The following BNC2 variants were observed in gnomAD, a reference collection of about 807,000 sequenced individuals.
BNC2 encodes the protein basonuclin zinc finger protein 2, also known as zinc finger protein basonuclin-2.
A neutral mutation model predicts 76.3 loss-of-function variants in BNC2; 20 were observed. That is an observed-to-expected ratio of 0.26 (90% confidence interval 0.18 to 0.38). The LOEUF (loss-of-function observed/expected upper bound fraction) is 0.38, where lower values mean the gene tolerates loss of function less well. BNC2 is among the 10% of genes least tolerant of loss of function. The pLI, the probability that BNC2 is intolerant of heterozygous loss-of-function variation, is 1.00. For synonymous variants in BNC2, 582 were observed against 514.8 expected (o/e 1.13, Z -1.77); for missense variants, 1,382 against 1,399.8 (o/e 0.99, Z 0.20).
intron 1 of BNC2, among the ~76,000 whole-genome samples, chr9:16,744,680 A>G (rs1824948907): frequency 6.6e-6 from 1 of 152,194 alleles, no homozygotes; most frequent in Admixed American, 6.5e-5. Flanking sequence ...GAGAAGAAAG[A>G]GAACTTTTGC....
intron 3 of BNC2, among the ~76,000 whole-genome samples, chr9:16,681,124 C>T (rs1220419484): frequency 6.6e-6 from 1 of 152,282 alleles, no homozygotes; most frequent in East Asian, 1.9e-4. Context: ...CAAAGGGAAG[C>T]TGAGATGGTG....
At chr9:16,679,563 A>AC (rs1395415794) in intron 3 of BNC2, among the ~76,000 whole-genome samples, 1 of 152,088 alleles carries the variant, frequency 6.6e-6, no homozygotes, top group Non-Finnish European at 1.5e-5. Flanking sequence ...AATTAATGAC[A>AC]CCCCCTCAGC....
intron 4 of BNC2, among the ~76,000 whole-genome samples, chr9:16,577,458 ATTAACT>A (rs1819517785): frequency 1.3e-5 from 2 of 152,186 alleles, no homozygotes; most frequent in Admixed American, 1.3e-4. Context: ...ATGATACTAA[ATTAACT>A]TTATACTTCT....
chr9:16,733,728 C>G (rs1409560554), intron 2 of BNC2, among the ~76,000 whole-genome samples: 1 of 152,062 alleles, frequency 6.6e-6, no homozygotes, highest in African/African-American at 2.4e-5. Context: ...TTAAGATTCA[C>G]CTATCATTAG....
At chr9:16,788,515 T>G (rs553613423) in intron 1 of BNC2, among the ~76,000 whole-genome samples, 181 of 143,672 alleles carry the variant, frequency 1.3e-3, no homozygotes, top group African/African-American at 4.4e-3. Flanking sequence ...ATGACGCCAC[T>G]GCACTCCACC....
intron 1 of BNC2, among the ~76,000 whole-genome samples, chr9:16,835,885 C>T (rs1316049056): frequency 6.6e-6 from 1 of 152,112 alleles, no homozygotes; most frequent in Admixed American, 6.6e-5. Context: ...CCCAGACTTA[C>T]CAGTTTGAGA....
intron 3 of BNC2, among the ~76,000 whole-genome samples, chr9:16,689,019 G>A (rs889887932): frequency 1.3e-5 from 2 of 152,102 alleles, no homozygotes; most frequent in South Asian, 4.1e-4. Flanking sequence ...TTCAACAAGG[G>A]AGGGCCAGTG....
At chr9:16,612,154 C>A (rs1820567129) in intron 3 of BNC2, among the ~76,000 whole-genome samples, 1 of 151,934 alleles carries the variant, frequency 6.6e-6, no homozygotes, top group Non-Finnish European at 1.5e-5. Flanking sequence ...ATGTGGACGT[C>A]TTTCTTTCTC....
chr9:16,741,957 CAAAAAAAAAAA>C lies in BNC2; in HGVS notation c.4-3483_4-3473del, dbSNP rs35573018. 6.2e-4 allele frequency among the ~76,000 whole-genome samples: 49 copies of C among 79,404 alleles called. No individual in the cohort carries two copies. The South Asian group carries it at 0.025, about 40-fold the overall frequency. 52.1% of individuals were successfully genotyped at this position (79,404 alleles called of 152,430 possible). A position where few individuals can be genotyped will look rare whatever the true frequency, so the allele number is the denominator to read the frequency against. On this transcript the variant is annotated intron_variant, in intron 1 of 6. Transcript: ENST00000380672. ...TGGGTGACAAAGTGAGGCTCCATCT[CAAAAAAAAAAA>C]AAAAAAAAAAAGACAACAACACGTA...
At chr9:16,757,934 T>C (rs1047469585) in intron 1 of BNC2, among the ~76,000 whole-genome samples, 1 of 152,226 alleles carries the variant, frequency 6.6e-6, no homozygotes, top group Non-Finnish European at 1.5e-5. Context: ...ATTAGTTTTC[T>C]ATGTCTACCC....
intron 5 of BNC2, among the ~76,000 whole-genome samples, chr9:16,542,826 C>G (rs112624293): frequency 2.0e-4 from 31 of 152,174 alleles, no homozygotes; most frequent in Non-Finnish European, 3.2e-4. Flanking sequence ...ATGAATTTAG[C>G]AAAAGCTTCC....
chr9:16,766,721 G>T (rs1825705168), intron 1 of BNC2, among the ~76,000 whole-genome samples: 1 of 152,074 alleles, frequency 6.6e-6, no homozygotes, highest in South Asian at 2.1e-4. Context: ...TTTACCTCTG[G>T]GCTACAGGTC....
At position 16,409,773 on chromosome 9, in the gene BNC2, G is replaced by A. The variant is rs1434099287; in HGVS notation, c.*9216C>T. On this transcript the variant is annotated 3_prime_UTR_variant, in exon 7 of 7. Coordinates refer to ENST00000380672, the MANE Select transcript of BNC2 (RefSeq NM_017637.6). Reference sequence around the variant, plus strand: ...AAAACCCTTGTTCAAGGTACATACAGTATTTAGGAAGCTACCAACGTCACA... The same window carrying A: ...AAAACCCTTGTTCAAGGTACATACAATATTTAGGAAGCTACCAACGTCACA... 6.6e-6 allele frequency: 1 copy of A among 152,594 alleles called. No individual in the cohort carries two copies. Among genetic ancestry groups the A allele is most frequent in the African/African-American group, 2.4e-5 (1 of 41,446 alleles). 9.5% of individuals were successfully genotyped at this position (152,594 alleles called of 1,614,324 possible). A position where few individuals can be genotyped will look rare whatever the true frequency, so the allele number is the denominator to read the frequency against.
At chr9:16,479,249 C>CAAAAAA (rs772198451) in intron 5 of BNC2, among the ~76,000 whole-genome samples, 2 of 65,112 alleles carry the variant, frequency 3.1e-5, no homozygotes, top group African/African-American at 1.6e-4. Context: ...GACTCTGTCT[C>CAAAAAA]AAAAAAAAAA....
chr9:16,565,042 T>C (rs185857578), intron 4 of BNC2, among the ~76,000 whole-genome samples: 4 of 152,332 alleles, frequency 2.6e-5, no homozygotes, highest in African/African-American at 9.6e-5. Flanking sequence ...TAGTCTAATT[T>C]ATACCATTTT....
chr9:16,721,494 T>C (rs947758274), intron 3 of BNC2, among the ~76,000 whole-genome samples: 7 of 151,962 alleles, frequency 4.6e-5, no homozygotes, highest in African/African-American at 1.5e-4. Context: ...AGTAGTGAGA[T>C]CCATCACTTC....
intron 1 of BNC2, among the ~76,000 whole-genome samples, chr9:16,757,520 A>C (rs570567321): frequency 2.0e-5 from 3 of 152,364 alleles, no homozygotes; most frequent in African/African-American, 7.2e-5. Context: ...ATATCTGTCA[A>C]AAGTTTGGAG....
chr9:16,699,060 G>C (rs1823431211), intron 3 of BNC2: 1 of 395,652 alleles, frequency 2.5e-6, no homozygotes, highest in Non-Finnish European at 5.0e-6. Flanking sequence ...AGAAAGCTAA[G>C]ATGGTATTTT....
At chr9:16,551,148 G>A (rs1045046695) in intron 5 of BNC2, among the ~76,000 whole-genome samples, 2 of 152,120 alleles carry the variant, frequency 1.3e-5, no homozygotes, top group South Asian at 2.1e-4. Context: ...AACTGAAAAC[G>A]TAATATATAA....
Sources: gnomAD v4.1 joint callset for allele counts (sites outside exome capture counted in the v4.1 genomes callset) on GRCh38, gnomAD v4.1.1 for gene constraint, MANE v1.5 for transcripts, NCBI Gene and HGNC (gene_info 2026-07-23, HGNC 2026-07-21) for gene names.